Variants in SEC24B observed in about 807,000 individuals in gnomAD.
SEC24B encodes the protein SEC24 homolog B, COPII component.
SEC24B carries 45 observed loss-of-function variants against 142.8 expected under a neutral mutation model. That is an observed-to-expected ratio of 0.32 (90% CI 0.25 to 0.40). SEC24B has a LOEUF of 0.40. Among genes scored for constraint, SEC24B ranks in the 10% least tolerant of loss-of-function variants. The pLI is 1.00. For synonymous variants in SEC24B, 574 were observed against 568.2 expected, an observed-to-expected ratio of 1.01 and a Z score of -0.15; for missense variants, 1,409 against 1,526.8, an observed-to-expected ratio of 0.92 and a Z score of 1.29.
intron 15 of SEC24B, 107 bp from the exon 16 acceptor site, chr4:109,525,239 G>A: frequency 1.0e-6 from 1 of 955,918 alleles, no homozygotes; most frequent in Non-Finnish European, 1.5e-6. Context: ...GATGGCTTAG[G>A]TTTTCTCATG....
rs149083396 is a variant in SEC24B at position 109,517,943 on chromosome 4, GTTTGTTTA to G, written c.2126+1307_2126+1314del. ...GAGAAACTGAGCATTTTGTTTGTTT[GTTTGTTTA>G]TTTATTTATTTATTTATTTATTTAT... is the stretch of plus-strand genomic sequence containing the variant. On this transcript the variant is annotated intron_variant, in intron 11 of 23. Transcript: ENST00000265175. Among the ~76,000 whole-genome samples the G allele has an allele frequency of 7.6e-3, 1,066 of 139,794 alleles. 3 individuals carry two copies. Among genetic ancestry groups the G allele is most frequent in the African/African-American group, 0.016 (605 of 37,234 alleles). The allele number at this position is 139,794 out of a possible 152,430, so 91.7% of individuals were successfully genotyped here.
chr4:109,480,306 A>G (rs1733607167), intron 3 of SEC24B, among the ~76,000 whole-genome samples: 3 of 152,224 alleles, frequency 2.0e-5, no homozygotes, highest in East Asian at 1.9e-4. Context: ...TTAAAGCACT[A>G]TCGTGTGATT....
At chr4:109,498,624 A>G (rs1236547289) in intron 6 of SEC24B, among the ~76,000 whole-genome samples, 1 of 152,168 alleles carries the variant, frequency 6.6e-6, no homozygotes, top group Non-Finnish European at 1.5e-5. Flanking sequence ...TTGGCCTCCC[A>G]AAGTGCTGGG....
chr4:109,481,781 G>C lies in SEC24B; in HGVS notation c.1165G>C (p.Gly389Arg). ...EEEEEEDEEA[G>R]VDSSSTTSSA... ...AGAGGAGGAGGAGGATGAGGAAGCA[G>C]GTCTGCTTTAGCTTTACACCAGTTC... Residue 389 changes from glycine (G) to arginine (R), a missense_variant and splice_region_variant, in exon 4 of 24, where the codon GGT (glycine) becomes CGT (arginine). Gly to Arg is a moderately radical substitution (Grantham distance 125, BLOSUM62 -2). Around this residue, in one of 2 missense-constraint regions of SEC24B, gnomAD observed 709 missense variants for 673.5 expected, o/e 1.05. Transcript: ENST00000265175. The C allele has an allele frequency of 6.2e-7, 1 of 1,612,168 alleles. No homozygotes were observed. Among genetic ancestry groups the C allele is most frequent in the Non-Finnish European group, 8.5e-7 (1 of 1,178,504 alleles).
chr4:109,530,873 G>A (rs374025791), intron 19 of SEC24B, among the ~76,000 whole-genome samples: 39 of 134,974 alleles, frequency 2.9e-4, no homozygotes, highest in East Asian at 8.8e-4. Context: ...CCCAGCCTGG[G>A]CAACAGAGCG....
At chr4:109,535,042 A>G (rs1725365415) in intron 22 of SEC24B, among the ~76,000 whole-genome samples, 1 of 152,112 alleles carries the variant, frequency 6.6e-6, no homozygotes, top group Non-Finnish European at 1.5e-5. Flanking sequence ...TTGATCACCC[A>G]TTCATCCACT....
intron 4 of SEC24B, among the ~76,000 whole-genome samples, chr4:109,488,392 C>A (rs1734609578): frequency 6.6e-6 from 1 of 152,116 alleles, no homozygotes; most frequent in South Asian, 2.1e-4. Context: ...TTGCATCTTT[C>A]TTTTAACATA....
At chr4:109,528,039 C>T (rs1578993538) in intron 18 of SEC24B, among the ~76,000 whole-genome samples, 2 of 152,198 alleles carry the variant, frequency 1.3e-5, no homozygotes, top group Admixed American at 1.3e-4. Context: ...AATGAACTGT[C>T]AATACTTAAA....
chr4:109,442,359 C>T (rs1729011183), intron 1 of SEC24B, among the ~76,000 whole-genome samples: 1 of 152,104 alleles, frequency 6.6e-6, no homozygotes, highest in Non-Finnish European at 1.5e-5. Context: ...TCATTACCAA[C>T]TGATTCAGAG....
intron 2 of SEC24B, among the ~76,000 whole-genome samples, chr4:109,466,872 A>T (rs1465327576): frequency 6.6e-6 from 1 of 152,256 alleles, no homozygotes; most frequent in Non-Finnish European, 1.5e-5. Context: ...AATATCAAAA[A>T]TATGACAGAT....
At chr4:109,487,071 A>G (rs1436354201) in intron 4 of SEC24B, among the ~76,000 whole-genome samples, 1 of 151,372 alleles carries the variant, frequency 6.6e-6, no homozygotes, top group African/African-American at 2.4e-5. Flanking sequence ...AGGCTGAGGC[A>G]GGAGAATCAC....
intron 7 of SEC24B, among the ~76,000 whole-genome samples, chr4:109,508,767 C>A (rs944692865): frequency 3.9e-5 from 6 of 152,114 alleles, no homozygotes; most frequent in African/African-American, 1.4e-4. Context: ...ATTTATTTAA[C>A]CTCTCAAAGT....
At chr4:109,462,780 TA>T in intron 1 of SEC24B, 120 bp from the exon 2 acceptor site, 1 of 799,460 alleles carries the variant, frequency 1.3e-6, no homozygotes, top group Non-Finnish European at 2.0e-6. Context: ...TAACAGTGTA[TA>T]CCTTTTGTAA....
rs967122960 is a variant in SEC24B, at chr4:109,474,001, CTG to C, written c.1060+816_1060+817del. On this transcript the variant is annotated intron_variant, in intron 3 of 23. Transcript: ENST00000265175. ...GAAGAACCTTCTTATAGGTCTGAAACTGAGAAAAGGAAAAAAGCATGATAAAT... is the reference window on the plus strand; with the variant it reads ...GAAGAACCTTCTTATAGGTCTGAAACAGAAAAGGAAAAAAGCATGATAAAT... Among the ~76,000 whole-genome samples, 48 of 152,256 alleles carry C rather than the reference CTG, an allele frequency of 3.2e-4. 1 individual carries two copies. Among genetic ancestry groups the C allele is most frequent in the African/African-American group, 1.2e-3 (48 of 41,548 alleles).
At chr4:109,450,202 G>A (rs2125906741) in intron 1 of SEC24B, among the ~76,000 whole-genome samples, 1 of 152,206 alleles carries the variant, frequency 6.6e-6, no homozygotes, top group South Asian at 2.1e-4. Context: ...GACAGAGCAA[G>A]ACCCTGTCTC....
In SEC24B at chr4:109,444,458, A is replaced by G. The variant is rs544453942; in HGVS notation, c.133+10456A>G. On this transcript the variant is annotated intron_variant, in intron 1 of 23. Transcript: ENST00000265175. ...AACCAAATCGTATTTCATATGCCCT[A>G]AAGAGATCCTGTGATTTTTTTTTTT... Among the ~76,000 whole-genome samples, 15 of 146,456 alleles carry G rather than the reference A, an allele frequency of 1.0e-4. No individual in the cohort carries two copies. In the South Asian group the frequency reaches 1.5e-3, roughly 15 times the overall value.
At chr4:109,489,307 A>G (rs1295193759) in intron 4 of SEC24B, among the ~76,000 whole-genome samples, 2 of 151,782 alleles carry the variant, frequency 1.3e-5, no homozygotes, top group African/African-American at 2.4e-5. Context: ...GCGTGTGGAT[A>G]TGTCTAGTTG....
At position 109,439,211 on chromosome 4, in the gene SEC24B, A is replaced by T. The variant is rs1207814060; in HGVS notation, c.133+5209A>T. Reference sequence around the variant, plus strand: ...GAATTACTAGAACTCACTATGGAAGATGTAAATAAACATACCATTCATACA... The same window carrying T: ...GAATTACTAGAACTCACTATGGAAGTTGTAAATAAACATACCATTCATACA... On this transcript the variant is annotated intron_variant, in intron 1 of 23. Transcript: ENST00000265175. Among the ~76,000 whole-genome samples the T allele has an allele frequency of 2.0e-5, 3 of 152,206 alleles. No homozygotes were observed. The East Asian group carries it at 5.8e-4, about 29-fold the overall frequency.
At chr4:109,494,181 C>T (rs1346375726) in intron 5 of SEC24B, among the ~76,000 whole-genome samples, 2 of 151,974 alleles carry the variant, frequency 1.3e-5, no homozygotes, top group Non-Finnish European at 2.9e-5. Flanking sequence ...ATTACCAACT[C>T]AAGGGGCTCA....
Sources: gnomAD v4.1 joint callset for allele counts (sites outside exome capture counted in the v4.1 genomes callset) on GRCh38, gnomAD v4.1.1 for gene constraint, gnomAD v4.1.1 regional missense constraint, MANE v1.5 for transcripts, NCBI Gene and HGNC (gene_info 2026-07-23, HGNC 2026-07-21) for gene names.